Variants in PPM1F observed in about 807,000 individuals in gnomAD.
PPM1F encodes protein phosphatase 1F.
PPM1F carries 17 observed loss-of-function variants against 35.5 expected under a neutral mutation model. That is an observed-to-expected ratio of 0.48 (90% CI 0.33 to 0.72). PPM1F has a LOEUF of 0.72. PPM1F is among the 30% of genes least tolerant of loss of function. The pLI is 0.02. For missense variants in PPM1F, 521 were observed against 613.0 expected, an observed-to-expected ratio of 0.85 and a Z score of 1.59; for synonymous variants, 241 against 255.5, an observed-to-expected ratio of 0.94 and a Z score of 0.54.
Position 21,919,782 on chromosome 22 carries a change from T to C in PPM1F, c.*3310A>G, listed in dbSNP as rs923620029. ...ACAGCCCAACTGGCTTACATTTAGCTTGGGACGAGGCTAGGCCTAAGAAGG... is the reference window on the plus strand; with the variant it reads ...ACAGCCCAACTGGCTTACATTTAGCCTGGGACGAGGCTAGGCCTAAGAAGG... On this transcript the variant is annotated 3_prime_UTR_variant, in exon 8 of 8. Coordinates refer to ENST00000263212, the MANE Select transcript of PPM1F (RefSeq NM_014634.4). 1 of 152,302 alleles carries C rather than the reference T, an allele frequency of 6.6e-6. No homozygotes were observed. The highest frequency in any genetic ancestry group is 2.4e-5 in the African/African-American group (1 of 41,464). The allele number at this position is 152,302 out of a possible 1,614,324, so 9.4% of individuals were successfully genotyped here. A position where few individuals can be genotyped will look rare whatever the true frequency, so the allele number is the denominator to read the frequency against.
chr22:21,936,203 A>C (rs2070656924), intron 3 of PPM1F: 1 of 152,236 alleles, frequency 6.6e-6, no homozygotes, highest in East Asian at 1.9e-4. Context: ...ATTTTAATAG[A>C]GTTTATAAGC....
chr22:21,946,367 T>C (rs1411872709), intron 1 of PPM1F: 2 of 247,982 alleles, frequency 8.1e-6, no homozygotes, highest in African/African-American at 4.5e-5. Flanking sequence ...GGAAGACTGT[T>C]CCTGGCAGAG....
In PPM1F at chr22:21,938,110, C is replaced by T. The variant is rs528145737; in HGVS notation, c.355+1422G>A. 19 of 1,297,816 alleles carry T rather than the reference C, an allele frequency of 1.5e-5. No homozygotes were observed. In the East Asian group the frequency reaches 8.9e-4, roughly 61 times the overall value. The allele number at this position is 1,297,816 out of a possible 1,614,324, so 80.4% of individuals were successfully genotyped here. ...GACGGGGAAGCAAGGGCAGGCGAGA[C>T]TTCCTTCTAGCTGCGCCCTCCCTCC... On this transcript the variant is annotated intron_variant, in intron 3 of 7. Coordinates refer to ENST00000263212, the MANE Select transcript of PPM1F (RefSeq NM_014634.4).
At chr22:21,928,570 C>T (rs2070548461) in intron 6 of PPM1F, among the ~76,000 whole-genome samples, 1 of 152,136 alleles carries the variant, frequency 6.6e-6, no homozygotes, top group Admixed American at 6.5e-5. Flanking sequence ...GTCTTCTACC[C>T]ACTGATTCTG....
In PPM1F at chr22:21,939,613, GGTCT is replaced by G; in HGVS notation, c.270_273del (p.Asp91PhefsTer26). The G allele has an allele frequency of 1.3e-6, 2 of 1,562,586 alleles. No individual in the cohort carries two copies. Among genetic ancestry groups the G allele is most frequent in the Non-Finnish European group, 1.7e-6 (2 of 1,152,098 alleles). On this transcript the variant is annotated frameshift_variant, in exon 3 of 8. Coordinates refer to ENST00000263212, the MANE Select transcript of PPM1F (RefSeq NM_014634.4). LOFTEE classifies it high-confidence loss of function. The surrounding 1 kb of genome is among the most constrained non-coding windows in gnomAD (Gnocchi z 5.1). ...CTGGGCAACTTCCTGAATTCGGAAA[GGTCT>G]GTCTGTAGCAGCTGTGAAACTGCTT...
At chr22:21,923,516 A>C (rs778012046) in intron 7 of PPM1F, 45 bp from the exon 8 acceptor site, 4 of 1,549,340 alleles carry the variant, frequency 2.6e-6, no homozygotes, top group Non-Finnish European at 3.5e-6. Flanking sequence ...CACGGTGTCC[A>C]CAGCTTCCTC....
At chr22:21,923,545 G>A in intron 7 of PPM1F, 74 bp from the exon 8 acceptor site, 1 of 1,498,168 alleles carries the variant, frequency 6.7e-7, no homozygotes, top group South Asian at 1.3e-5. Flanking sequence ...CCCAGGCCTA[G>A]ACCTCACATC....
chr22:21,945,152 A>C (rs1314856255), intron 2 of PPM1F: 1 of 152,314 alleles, frequency 6.6e-6, no homozygotes, highest in Non-Finnish European at 1.5e-5. Context: ...CCTGTGGCTC[A>C]GAATATGATC....
rs777222904 is a variant in PPM1F, at chr22:21,931,223, G to A, written c.816C>T (p.Leu272=). Residue 272 remains leucine (L), a synonymous_variant, in exon 6 of 8, where the codon CTC becomes CTT. Coordinates refer to ENST00000263212, the MANE Select transcript of PPM1F (RefSeq NM_014634.4). ...IAGATLHVAW[L]GDSQVILVQQ... is the part of the protein sequence containing the mutation. ...GTACCAAAATGACCTGGGAATCCCC[G>A]AGCCAGGCGACGTGCAGGGTCGCTC... 5.8e-5 allele frequency: 93 copies of A among 1,613,984 alleles called. No homozygotes were observed. Among genetic ancestry groups the A allele is most frequent in the Non-Finnish European group, 7.2e-5 (85 of 1,180,044 alleles).
chr22:21,931,303 G>C lies in PPM1F; in HGVS notation c.748-12C>G, dbSNP rs1421966864. The C allele has an allele frequency of 6.2e-7, 1 of 1,609,348 alleles. No homozygotes were observed. Among genetic ancestry groups the C allele is most frequent in the Non-Finnish European group, 8.5e-7 (1 of 1,179,220 alleles). The stretch of plus-strand genomic sequence containing the variant: ...CCGCTCTGCAGCCGCTGCAGGGAGA[G>C]AGGGCCCATGAGAGTTGAGAGGAGG... On this transcript the variant is annotated splice_polypyrimidine_tract_variant and intron_variant, in intron 5 of 7. Transcript: ENST00000263212.
At chr22:21,924,144 C>A (rs950446579) in intron 7 of PPM1F, among the ~76,000 whole-genome samples, 1 of 152,126 alleles carries the variant, frequency 6.6e-6, no homozygotes, top group Non-Finnish European at 1.5e-5. Context: ...GTGCCAAATC[C>A]CTGGCAATCA....
intron 2 of PPM1F, chr22:21,941,553 G>T (rs2070725461): frequency 1.3e-5 from 2 of 152,336 alleles, no homozygotes; most frequent in Non-Finnish European, 2.9e-5. Context: ...GAGGCCTGAG[G>T]GCCTGCAAGA....
In PPM1F at chr22:21,933,515, T is replaced by A; in HGVS notation, c.623A>T (p.Tyr208Phe). The change falls in exon 5 of 8, where the codon TAC (tyrosine) becomes TTC (phenylalanine). Residue 208 changes from tyrosine to phenylalanine, a missense_variant. Tyr to Phe is a conservative substitution (Grantham distance 22, BLOSUM62 3). Coordinates refer to ENST00000263212, the MANE Select transcript of PPM1F (RefSeq NM_014634.4). ...DGHGGVDAAR[Y>F]AAVHVHTNAA... ...GTTGGTGTGCACGTGGACAGCGGCG[T>A]ACCTCGCAGCATCCACGCCTCCGTG... The A allele has an allele frequency of 6.2e-7, 1 of 1,613,730 alleles. No homozygotes were observed. Among genetic ancestry groups the A allele is most frequent in the East Asian group, 2.2e-5 (1 of 44,850 alleles).
intron 5 of PPM1F, among the ~76,000 whole-genome samples, chr22:21,932,976 C>T (rs753679240): frequency 7.2e-5 from 11 of 152,204 alleles, no homozygotes; most frequent in East Asian, 1.9e-4. Context: ...CTCTGCGCCC[C>T]GACTACCTCA....
chr22:21,940,875 G>A (rs548139802), intron 2 of PPM1F, among the ~76,000 whole-genome samples: 4 of 152,268 alleles, frequency 2.6e-5, no homozygotes, highest in South Asian at 4.2e-4. Context: ...ATGCTAACAG[G>A]GAAGCACTGC....
rs1349036775 is a variant in PPM1F, at chr22:21,934,006, C to G, written c.558+18G>C. The G allele has an allele frequency of 6.5e-7, 1 of 1,535,062 alleles. No homozygotes were observed. The highest frequency in any genetic ancestry group is 8.8e-7 in the Non-Finnish European group (1 of 1,135,238). On this transcript the variant is annotated intron_variant, in intron 4 of 7. Transcript: ENST00000263212. ...GGTCCTCCGAAGCTGTCCCCAGGGT[C>G]TGGACGGGAGCACTCACAGACAAGC... is the stretch of plus-strand genomic sequence containing the variant.
At position 21,945,806 on chromosome 22, in the gene PPM1F, C is replaced by G. The variant is rs1335315972; in HGVS notation, c.206+37G>C. The G allele has an allele frequency of 5.0e-6, 8 of 1,595,164 alleles. No individual in the cohort carries two copies. In the East Asian group the frequency reaches 1.3e-4, roughly 27 times the overall value. ...CCCTTGTCGGCCCTGGTGCCGTGCC[C>G]TTACTCCCCGTCCCCTTTGGGGGTG... On this transcript the variant is annotated intron_variant, in intron 2 of 7. Transcript: ENST00000263212.
At chr22:21,931,939 A>G (rs1250912788) in intron 5 of PPM1F, among the ~76,000 whole-genome samples, 1 of 151,996 alleles carries the variant, frequency 6.6e-6, no homozygotes, top group African/African-American at 2.4e-5. Flanking sequence ...CAGCCTCCCA[A>G]GTAGCTGGGA....
At chr22:21,947,750 C>G (rs568612033) in intron 1 of PPM1F, 1 of 152,280 alleles carries the variant, frequency 6.6e-6, no homozygotes, top group South Asian at 2.1e-4. Context: ...GCCTGAGGTG[C>G]AGGATGAAGA....
Sources: allele counts gnomAD v4.1 joint callset (sites outside exome capture counted in the v4.1 genomes callset), GRCh38; gene constraint gnomAD v4.1.1; non-coding constraint Gnocchi (gnomAD v3.1); transcripts MANE v1.5; gene names NCBI Gene and HGNC (gene_info 2026-07-23, HGNC 2026-07-21).